CNTN4: variants seen among roughly 807,000 people sequenced by gnomAD.
CNTN4 encodes contactin-4.
A neutral mutation model predicts 122.5 loss-of-function variants in CNTN4; 77 were observed. The ratio of observed to expected loss-of-function variants is 0.63; its 90% CI spans 0.52 to 0.76. The LOEUF (loss-of-function observed/expected upper bound fraction) is 0.76, where lower values mean the gene tolerates loss of function less well. Ranked by LOEUF, CNTN4 falls within the 30% of genes least tolerant of loss-of-function variation. The pLI, the probability that CNTN4 is intolerant of heterozygous loss-of-function variation, is 0.00. For missense variants in CNTN4, 1,256 were observed against 1,259.1 expected (o/e 1.00, Z 0.04); for synonymous variants, 512 against 447.0 (o/e 1.15, Z -1.83).
chr3:2,774,753 C>G (rs935420956), intron 6 of CNTN4, among the ~76,000 whole-genome samples: 5 of 152,104 alleles, frequency 3.3e-5, no homozygotes, highest in Admixed American at 3.3e-4. Flanking sequence ...AGTTTTGGAA[C>G]CATTGTGTAA....
At chr3:2,618,859 C>T (rs960468783) in intron 4 of CNTN4, among the ~76,000 whole-genome samples, 21 of 152,158 alleles carry the variant, frequency 1.4e-4, no homozygotes, top group African/African-American at 4.1e-4. Flanking sequence ...GACACATTGG[C>T]AACCTGGTAT....
intron 4 of CNTN4, among the ~76,000 whole-genome samples, chr3:2,675,562 A>G (rs376116527): frequency 2.0e-5 from 3 of 152,318 alleles, no homozygotes; most frequent in African/African-American, 7.2e-5. Context: ...CTTCCCAAGA[A>G]TGAAAGCTCC....
chr3:2,826,102 A>T (rs535024699), intron 7 of CNTN4, among the ~76,000 whole-genome samples: 3 of 152,322 alleles, frequency 2.0e-5, no homozygotes, highest in African/African-American at 7.2e-5. Flanking sequence ...GGCACACTCT[A>T]ATCAATGGCA....
In CNTN4 at chr3:2,591,126, C is replaced by T. The variant is rs369108660; in HGVS notation, c.55+19568C>T. Among the ~76,000 whole-genome samples, 297 of 152,254 alleles carry T rather than the reference C, an allele frequency of 2.0e-3. 11 individuals carry two copies. The South Asian group carries it at 0.059, about 30-fold the overall frequency. ...TTTCATCTCAGTTTGTAGTAACTCG[C>T]TTGTGCATCTCACCATCTAGACTGG... is the stretch of plus-strand genomic sequence containing the variant. On this transcript the variant is annotated intron_variant, in intron 4 of 24. Coordinates refer to ENST00000418658, the MANE Select transcript of CNTN4 (RefSeq NM_175607.3).
intron 3 of CNTN4, among the ~76,000 whole-genome samples, chr3:2,428,130 A>G (rs2047914709): frequency 6.6e-6 from 1 of 152,042 alleles, no homozygotes; most frequent in Non-Finnish European, 1.5e-5. Context: ...TTAGCTGGTT[A>G]TTTTGCTGAG....
In CNTN4 at chr3:2,507,947, G is replaced by A. The variant is rs1005694787; in HGVS notation, c.-88-63469G>A. Among the ~76,000 whole-genome samples, 90 of 151,894 alleles carry A rather than the reference G, an allele frequency of 5.9e-4. 1 individual carries two copies. Among genetic ancestry groups the A allele is most frequent in the African/African-American group, 1.6e-3 (65 of 41,338 alleles). On this transcript the variant is annotated intron_variant, in intron 3 of 24. Transcript: ENST00000418658. ...ACTACAAATTTCTGAGCAGTTAGTG[G>A]TAGATGAATATCAAGGCATATTGCA...
At chr3:2,727,670 T>C (rs979608650) in intron 4 of CNTN4, among the ~76,000 whole-genome samples, 1 of 152,204 alleles carries the variant, frequency 6.6e-6, no homozygotes, top group African/African-American at 2.4e-5. Context: ...GTTTCTAAGA[T>C]CTGGCATTAC....
chr3:2,500,045 GTATACA>G (rs1203051458), intron 3 of CNTN4, among the ~76,000 whole-genome samples: 1 of 152,024 alleles, frequency 6.6e-6, no homozygotes, highest in Non-Finnish European at 1.5e-5. Context: ...CATTTTTAAT[GTATACA>G]AATACAATAG....
chr3:2,399,415 GTTTC>G (rs888851465), intron 3 of CNTN4, among the ~76,000 whole-genome samples: 15 of 152,030 alleles, frequency 9.9e-5, no homozygotes, highest in African/African-American at 3.6e-4. Context: ...GTTGTTGTTT[GTTTC>G]TTTTTCTGTG....
chr3:2,210,864 A>G (rs1454607776), intron 2 of CNTN4, among the ~76,000 whole-genome samples: 1 of 152,226 alleles, frequency 6.6e-6, no homozygotes, highest in Non-Finnish European at 1.5e-5. Context: ...AAATAAAATC[A>G]TAGAAGAAAA....
chr3:2,587,694 A>G (rs948393058), intron 4 of CNTN4, among the ~76,000 whole-genome samples: 2 of 152,244 alleles, frequency 1.3e-5, no homozygotes, highest in Non-Finnish European at 2.9e-5. Flanking sequence ...ATGGCATTTC[A>G]TAATTGTTTA....
chr3:2,195,869 G>A (rs935609474), intron 2 of CNTN4, among the ~76,000 whole-genome samples: 1 of 152,174 alleles, frequency 6.6e-6, no homozygotes, highest in African/African-American at 2.4e-5. Context: ...TCTGGAGATG[G>A]AATTACATTC....
At chr3:2,170,125 T>G (rs909860434) in intron 2 of CNTN4, among the ~76,000 whole-genome samples, 2 of 151,726 alleles carry the variant, frequency 1.3e-5, no homozygotes, top group East Asian at 2.0e-4. Context: ...ATCGAGACCA[T>G]CCTGGCTAAC....
chr3:2,215,931 T>C (rs1039135157), intron 2 of CNTN4, among the ~76,000 whole-genome samples: 3 of 148,848 alleles, frequency 2.0e-5, no homozygotes, highest in African/African-American at 7.4e-5. Context: ...CTTCTACACT[T>C]TTGGTGGGAG....
chr3:2,609,526 A>G (rs2081393584), intron 4 of CNTN4, among the ~76,000 whole-genome samples: 1 of 152,254 alleles, frequency 6.6e-6, no homozygotes, highest in Non-Finnish European at 1.5e-5. Flanking sequence ...GGAATCCCAA[A>G]CAATGAAACA....
At chr3:2,350,025 T>C (rs939683264) in intron 3 of CNTN4, among the ~76,000 whole-genome samples, 2 of 152,180 alleles carry the variant, frequency 1.3e-5, no homozygotes, top group Non-Finnish European at 2.9e-5. Context: ...AGATCTATTT[T>C]GAAGTGAGAC....
intron 2 of CNTN4, among the ~76,000 whole-genome samples, chr3:2,268,728 A>C (rs961637693): frequency 9.5e-4 from 145 of 152,098 alleles, no homozygotes; most frequent in African/African-American, 3.5e-3. Context: ...GGAGAATCAA[A>C]ATTTTTTATA....
intron 13 of CNTN4, among the ~76,000 whole-genome samples, chr3:2,933,112 G>T (rs2874549): frequency 6.6e-6 from 1 of 152,056 alleles, no homozygotes; most frequent in African/African-American, 2.4e-5. Flanking sequence ...GTGAGCCACC[G>T]CGCCCGGCCC....
In CNTN4 at chr3:2,395,997, A is replaced by T. The variant is rs2046626451; in HGVS notation, c.-89+56764A>T. 2.0e-5 allele frequency among the ~76,000 whole-genome samples: 3 copies of T among 151,974 alleles called. No individual in the cohort carries two copies. The South Asian group carries it at 6.2e-4, about 32-fold the overall frequency. ...CGCAAACACACAGGAACACCATATA[A>T]CACATGCATGGGAACATATTCCTTA... On this transcript the variant is annotated intron_variant, in intron 3 of 24. Transcript: ENST00000418658.
Sources: gnomAD v4.1 joint callset for allele counts (sites outside exome capture counted in the v4.1 genomes callset) on GRCh38, gnomAD v4.1.1 for gene constraint, MANE v1.5 for transcripts, NCBI Gene and HGNC (gene_info 2026-07-23, HGNC 2026-07-21) for gene names.